Variants in SCN2A observed in about 807,000 individuals in gnomAD.
SCN2A encodes sodium channel protein type 2 subunit alpha.
In SCN2A, 20 loss-of-function variants were observed where a neutral mutation model predicts 188.7. The observed-to-expected ratio is 0.11, with a 90% confidence interval of 0.07 to 0.15. The LOEUF (loss-of-function observed/expected upper bound fraction) is 0.15, where lower values mean the gene tolerates loss of function less well. SCN2A is among the 10% of genes least tolerant of loss of function. The pLI is 1.00. For missense variants in SCN2A, 1,278 were observed against 2,445.0 expected (o/e 0.52, Z 10.07); for synonymous variants, 804 against 833.1 (o/e 0.97, Z 0.60).
At chr2:165,286,333 T>C (rs1159236879) in intron 1 of SCN2A, among the ~76,000 whole-genome samples, 1 of 152,208 alleles carries the variant, frequency 6.6e-6, no homozygotes, top group Admixed American at 6.5e-5. Context: ...CATTGATTGC[T>C]GGAGAAGGTG....
chr2:165,323,026 T>G, intron 11 of SCN2A, 130 bp from the exon 12 acceptor site: 1 of 880,616 alleles, frequency 1.1e-6, no homozygotes, highest in South Asian at 1.7e-5. Flanking sequence ...GGGTGCTTTC[T>G]TCCACATGTC....
At chr2:165,242,881 G>A (rs78598368) in intron 1 of SCN2A, among the ~76,000 whole-genome samples, 4,535 of 152,208 alleles carry the variant, frequency 0.03, 217 homozygotes, top group African/African-American at 0.099. Context: ...CACTTTGGGT[G>A]GCCTGTTTTT....
chr2:165,354,373 A>G lies in SCN2A; in HGVS notation c.3101A>G (p.Lys1034Arg). The G allele has an allele frequency of 3.1e-6, 5 of 1,614,084 alleles. No individual in the cohort carries two copies. Among genetic ancestry groups the G allele is most frequent in the Non-Finnish European group, 4.2e-6 (5 of 1,179,960 alleles). The change falls in exon 17 of 27, where the codon AAA becomes AGA. Residue 1034 changes from lysine (K) to arginine (R), a missense_variant. By Grantham distance (26) the Lys-to-Arg change is conservative. Around this residue, in one of 17 missense-constraint regions of SCN2A, gnomAD observed 228 missense variants for 297.3 expected, o/e 0.77. Coordinates refer to ENST00000375437, the MANE Select transcript of SCN2A (RefSeq NM_001040142.2). The part of the protein sequence containing the change: ...FIQKAFVRKQ[K>R]ALDEIKPLED... ...CAGAAAGCCTTTGTTAGGAAGCAGA[A>G]AGCTTTAGATGAAATTAAACCGCTT...
rs753796578 is a variant in SCN2A at position 165,351,871 on chromosome 2, G to GGT, written c.2920-2321_2920-2320insGT. Reference sequence around the variant, plus strand: ...CCAATCTATCAGTAAAGCTGTGCTTGTTTTTTTTTTTTTTTTAAAGAATCC... The same window carrying GGT: ...CCAATCTATCAGTAAAGCTGTGCTTGGTTTTTTTTTTTTTTTTTAAAGAATCC... On this transcript the variant is annotated intron_variant, in intron 16 of 26. Transcript: ENST00000375437. Among the ~76,000 whole-genome samples the GGT allele has an allele frequency of 1.0e-3, 138 of 135,848 alleles. 1 individual carries two copies. Among genetic ancestry groups the GGT allele is most frequent in the African/African-American group, 3.7e-3 (133 of 35,676 alleles). The allele number at this position is 135,848 out of a possible 152,430, so 89.1% of individuals were successfully genotyped here. A position where few individuals can be genotyped will look rare whatever the true frequency, so the allele number is the denominator to read the frequency against.
intron 25 of SCN2A, 86 bp downstream of exon 25, chr2:165,381,283 G>A: frequency 2.0e-6 from 2 of 1,018,250 alleles, no homozygotes; most frequent in South Asian, 2.9e-5. Context: ...AGTTATTTTT[G>A]TGGATTTGTA....
intron 25 of SCN2A, among the ~76,000 whole-genome samples, chr2:165,384,683 A>G (rs1427636209): frequency 1.3e-5 from 2 of 152,120 alleles, no homozygotes; most frequent in African/African-American, 4.8e-5. Flanking sequence ...CTAAAATTGA[A>G]TAAGAGCAAA....
At position 165,291,496 on chromosome 2, in the gene SCN2A, T is replaced by TTTCCG. The variant is rs1462465489; in HGVS notation, c.-51-4274_-51-4273insCGTTC. On this transcript the variant is annotated intron_variant, in intron 1 of 26. Coordinates refer to ENST00000375437, the MANE Select transcript of SCN2A (RefSeq NM_001040142.2). ...TTTCTTTCTTTCTTTCTTTCTTTTCTTTCTTTCTTTCTTTCTTCCTCTCCT... is the reference window on the plus strand; with the variant it reads ...TTTCTTTCTTTCTTTCTTTCTTTTCTTTCCGTTCTTTCTTTCTTTCTTCCTCTCCT... Among the ~76,000 whole-genome samples the TTTCCG allele has an allele frequency of 2.7e-3, 70 of 26,118 alleles. 3 individuals carry two copies. Among genetic ancestry groups the TTTCCG allele is most frequent in the Non-Finnish European group, 4.9e-3 (55 of 11,202 alleles). 17.1% of individuals were successfully genotyped at this position (26,118 alleles called of 152,430 possible). A position where few individuals can be genotyped will look rare whatever the true frequency, so the allele number is the denominator to read the frequency against.
chr2:165,370,438 G>A (rs1490242690), intron 20 of SCN2A, 139 bp downstream of exon 20: 2 of 886,390 alleles, frequency 2.3e-6, no homozygotes, highest in African/African-American at 3.3e-5. Flanking sequence ...ACAGTGAGAG[G>A]ATGCCTCAAA....
chr2:165,300,705 G>A (rs1696763672), intron 3 of SCN2A, among the ~76,000 whole-genome samples: 1 of 152,172 alleles, frequency 6.6e-6, no homozygotes, highest in African/African-American at 2.4e-5. Context: ...AAGGCAGGAA[G>A]CGAGAGGATG....
At chr2:165,272,446 G>C (rs1208294066) in intron 1 of SCN2A, 1 of 151,982 alleles carries the variant, frequency 6.6e-6, no homozygotes, top group Non-Finnish European at 1.5e-5. Context: ...GTAGTTGCTA[G>C]AACAAGAAGA....
At chr2:165,309,529 T>C in intron 6 of SCN2A, 86 bp downstream of exon 6, 7 of 1,476,452 alleles carry the variant, frequency 4.7e-6, no homozygotes, top group Non-Finnish European at 6.6e-6. Context: ...TGTTGCTAGT[T>C]GCATATTGCA....
At chr2:165,276,008 C>T (rs1245198389) in intron 1 of SCN2A, among the ~76,000 whole-genome samples, 1 of 152,150 alleles carries the variant, frequency 6.6e-6, no homozygotes, top group Admixed American at 6.5e-5. Context: ...GCTGGGATGG[C>T]AGGCATGAGC....
intron 13 of SCN2A, chr2:165,328,241 C>T (rs1698467133): frequency 6.6e-6 from 1 of 152,616 alleles, no homozygotes; most frequent in African/African-American, 2.4e-5. Context: ...GTCAGTATTA[C>T]AAAACCCAAT....
chr2:165,256,000 CTT>C (rs765804959), intron 1 of SCN2A, among the ~76,000 whole-genome samples: 8 of 88,440 alleles, frequency 9.0e-5, no homozygotes, highest in African/African-American at 2.4e-4. Context: ...GGGCTCTTTT[CTT>C]TTTTTTTTTT....
At chr2:165,388,196 G>A (rs138619482) in intron 26 of SCN2A, among the ~76,000 whole-genome samples, 163 of 152,182 alleles carry the variant, frequency 1.1e-3, no homozygotes, top group African/African-American at 2.9e-3. Flanking sequence ...TGTACATCAC[G>A]CTGCCTACTC....
intron 1 of SCN2A, among the ~76,000 whole-genome samples, chr2:165,244,238 A>G (rs78844434): frequency 0.083 from 12,654 of 152,038 alleles, 892 homozygotes; most frequent in African/African-American, 0.18. Context: ...GGAAACTCTG[A>G]GTCAAAAATA....
At chr2:165,296,702 G>A (rs1430556509) in intron 2 of SCN2A, 2 of 181,062 alleles carry the variant, frequency 1.1e-5, no homozygotes, top group African/African-American at 2.4e-5. Context: ...AAAAATCAAA[G>A]CCTCAATTTT....
chr2:165,290,291 A>G (rs1056046188), intron 1 of SCN2A, among the ~76,000 whole-genome samples: 2 of 152,144 alleles, frequency 1.3e-5, no homozygotes, highest in Non-Finnish European at 2.9e-5. Context: ...CTACAGTGCT[A>G]TAGAAGCTAT....
intron 16 of SCN2A, among the ~76,000 whole-genome samples, chr2:165,350,474 T>C (rs1193009378): frequency 1.9e-5 from 2 of 106,478 alleles, no homozygotes; most frequent in East Asian, 2.9e-4. Context: ...CTTTTTTTTT[T>C]TTTTTTTTTT....
Sources: allele counts gnomAD v4.1 joint callset (sites outside exome capture counted in the v4.1 genomes callset), GRCh38; gene constraint gnomAD v4.1.1; regional missense constraint gnomAD v4.1.1; transcripts MANE v1.5; gene names NCBI Gene and HGNC (gene_info 2026-07-23, HGNC 2026-07-21).